Variants in PTCHD4 observed in about 807,000 individuals in gnomAD.
PTCHD4 encodes the protein patched domain containing 4.
Under a neutral mutation model 58.1 loss-of-function variants are expected in PTCHD4, and 33 were observed. The observed-to-expected ratio is 0.57, with a 90% CI of 0.43 to 0.76. The LOEUF (loss-of-function observed/expected upper bound fraction) is 0.76. Among genes scored for constraint, PTCHD4 ranks in the 30% least tolerant of loss-of-function variants. The probability of loss-of-function intolerance (pLI) is 0.00; values close to 1 mark genes in which losing one functional copy is unlikely to be tolerated. For synonymous variants in PTCHD4, 478 were observed against 409.6 expected, an observed-to-expected ratio of 1.17 and a Z score of -2.02; for missense variants, 1,058 against 1,027.1, an observed-to-expected ratio of 1.03 and a Z score of -0.41.
chr6:47,942,269 C>A (rs1441272183), intron 4 of PTCHD4, among the ~76,000 whole-genome samples: 1 of 152,164 alleles, frequency 6.6e-6, no homozygotes, highest in African/African-American at 2.4e-5. Flanking sequence ...GACACCATCA[C>A]TGGCATAAGC....
chr6:47,972,538 CT>C (rs1767555185), intron 4 of PTCHD4, among the ~76,000 whole-genome samples: 1 of 152,014 alleles, frequency 6.6e-6, no homozygotes. Flanking sequence ...ATGGATAGCC[CT>C]CAAATTTTTT....
intron 3 of PTCHD4, among the ~76,000 whole-genome samples, chr6:48,055,177 A>G (rs963814984): frequency 3.3e-5 from 5 of 152,198 alleles, no homozygotes; most frequent in African/African-American, 1.2e-4. Flanking sequence ...CAGTAAAAAC[A>G]TTTGTTGCTT....
At chr6:47,976,625 G>C (rs1472411459) in intron 4 of PTCHD4, among the ~76,000 whole-genome samples, 1 of 151,180 alleles carries the variant, frequency 6.6e-6, no homozygotes, top group Non-Finnish European at 1.5e-5. Flanking sequence ...CTTTACTCCA[G>C]CCTGGGCCAC....
rs1026356100 is a variant in PTCHD4 at position 48,048,514 on chromosome 6, GA to G, written c.417+19715del. Among the ~76,000 whole-genome samples, 117 of 152,012 alleles carry G rather than the reference GA, an allele frequency of 7.7e-4. 1 individual carries two copies. The highest frequency in any genetic ancestry group is 2.7e-3 in the African/African-American group (113 of 41,536). ...ATCTTTCCTATGTTGCCAAAATGGG[GA>G]AAAATCAAGTTAGCAAATAACATTT... On this transcript the variant is annotated intron_variant, in intron 3 of 4. Transcript: ENST00000339488.
intron 1 of PTCHD4, among the ~76,000 whole-genome samples, chr6:48,107,079 G>T (rs9395338): frequency 0.16 from 23,547 of 151,712 alleles, 1,873 homozygotes; most frequent in African/African-American, 0.2. Context: ...ATGACTTTCT[G>T]CACAGAATTG....
At chr6:47,953,482 C>T (rs1236281830) in intron 4 of PTCHD4, among the ~76,000 whole-genome samples, 1 of 152,004 alleles carries the variant, frequency 6.6e-6, no homozygotes, top group Non-Finnish European at 1.5e-5. Context: ...GAGGGAATTC[C>T]ATTAGCCTAA....
At position 47,928,077 on chromosome 6, in the gene PTCHD4, G is replaced by C. The variant is rs561932838; in HGVS notation, c.899-48141C>G. On this transcript the variant is annotated intron_variant, in intron 4 of 4. Transcript: ENST00000339488. ...CTGTCTTTCTCCATATAAACACCTT[G>C]TGGCCCATGTGAGGCGTGGAGGGAT... Among the ~76,000 whole-genome samples the C allele has an allele frequency of 6.6e-5, 10 of 152,202 alleles. No homozygotes were observed. In the South Asian group the frequency reaches 2.1e-3, roughly 32 times the overall value.
intron 3 of PTCHD4, among the ~76,000 whole-genome samples, chr6:48,066,186 G>A (rs1764790402): frequency 6.7e-6 from 1 of 149,852 alleles, no homozygotes; most frequent in Non-Finnish European, 1.5e-5. Flanking sequence ...TGCTTTTCTT[G>A]CCCCAAACTC....
intron 1 of PTCHD4, among the ~76,000 whole-genome samples, chr6:48,083,969 T>A (rs1765213347): frequency 6.6e-6 from 1 of 152,106 alleles, no homozygotes; most frequent in African/African-American, 2.4e-5. Flanking sequence ...ACTTTTGAGC[T>A]AAATATCTGT....
In PTCHD4 at chr6:47,866,079, C is replaced by A. The variant is rs1387973202; in HGVS notation, c.*12224G>T. ...CAACACACTCATACCAGGTTTGGCT[C>A]TACTAGAAATCATCTCTCTACCCTC... On this transcript the variant is annotated 3_prime_UTR_variant, in exon 5 of 5. Coordinates refer to ENST00000339488, the MANE Select transcript of PTCHD4 (RefSeq NM_001384253.1). Among the ~76,000 whole-genome samples the A allele has an allele frequency of 6.6e-6, 1 of 151,888 alleles. No homozygotes were observed. Among genetic ancestry groups the A allele is most frequent in the African/African-American group, 2.4e-5 (1 of 41,404 alleles).
At chr6:47,929,460 T>C (rs1247517713) in intron 4 of PTCHD4, among the ~76,000 whole-genome samples, 1 of 152,202 alleles carries the variant, frequency 6.6e-6, no homozygotes, top group East Asian at 1.9e-4. Flanking sequence ...CTGCAATTCT[T>C]CCCTCCTGAA....
chr6:47,878,708 G>T lies in PTCHD4; in HGVS notation c.2127C>A (p.Cys709Ter). 6.2e-7 allele frequency: 1 copy of T among 1,613,042 alleles called. No homozygotes were observed. Among genetic ancestry groups the T allele is most frequent in the Non-Finnish European group, 8.5e-7 (1 of 1,179,582 alleles). The change falls in exon 5 of 5, where the codon TGC (cysteine) becomes TGA (stop). Residue 709 changes from cysteine (C) to a stop codon, truncating the protein, a stop_gained. Coordinates refer to ENST00000339488, the MANE Select transcript of PTCHD4 (RefSeq NM_001384253.1). LOFTEE classifies it high-confidence loss of function. ...LMTLWNVDMD[C>*]ISILCLIYTL... ...TGTAGATAAGGCACAAGATAGAAAT[G>T]CAATCCATGTCGACGTTCCATAATG... is the stretch of plus-strand genomic sequence containing the variant.
intron 3 of PTCHD4, among the ~76,000 whole-genome samples, chr6:48,061,342 A>G (rs2113869080): frequency 6.6e-6 from 1 of 152,372 alleles, no homozygotes; most frequent in Middle Eastern, 3.4e-3. Context: ...TTTTCAATAT[A>G]GAACAGCCTC....
chr6:47,948,682 T>G (rs532740303), intron 4 of PTCHD4, among the ~76,000 whole-genome samples: 3 of 152,200 alleles, frequency 2.0e-5, no homozygotes, highest in Non-Finnish European at 4.4e-5. Context: ...TTAATCTGAC[T>G]TCCTTCTAAT....
chr6:48,062,983 CTG>C (rs922147139), intron 3 of PTCHD4, among the ~76,000 whole-genome samples: 4 of 152,162 alleles, frequency 2.6e-5, no homozygotes, highest in African/African-American at 9.6e-5. Flanking sequence ...CCTTAAAGAA[CTG>C]AGAGTTCTAA....
chr6:48,092,945 T>A (rs1389823321), intron 1 of PTCHD4, among the ~76,000 whole-genome samples: 1 of 152,234 alleles, frequency 6.6e-6, no homozygotes, highest in Non-Finnish European at 1.5e-5. Flanking sequence ...CTCCACTCAC[T>A]ATGATTTCTG....
At position 47,860,994 on chromosome 6, in the gene PTCHD4, A is replaced by G. The variant is rs1763412681; in HGVS notation, c.*17309T>C. ...TCCATGCTGAGGTCGAATGAAGAAG[A>G]TAGAAAGTGCCCCTGGATGCCTCTC... On this transcript the variant is annotated 3_prime_UTR_variant, in exon 5 of 5. Transcript: ENST00000339488. 6.6e-6 allele frequency among the ~76,000 whole-genome samples: 1 copy of G among 151,996 alleles called. No individual in the cohort carries two copies. The highest frequency in any genetic ancestry group is 1.5e-5 in the Non-Finnish European group (1 of 67,944).
intron 1 of PTCHD4, among the ~76,000 whole-genome samples, chr6:48,094,361 T>G (rs186250986): frequency 1.6e-4 from 24 of 152,274 alleles, no homozygotes; most frequent in Admixed American, 1.5e-3. Flanking sequence ...GGGAACTTGT[T>G]TGGAGAATTT....
At chr6:47,888,353 T>TC (rs963574332) in intron 4 of PTCHD4, among the ~76,000 whole-genome samples, 6 of 150,302 alleles carry the variant, frequency 4.0e-5, no homozygotes, top group African/African-American at 1.5e-4. Flanking sequence ...CGAGACTCAG[T>TC]CCCCAAAAAA....
Sources: allele counts gnomAD v4.1 joint callset (sites outside exome capture counted in the v4.1 genomes callset), GRCh38; gene constraint gnomAD v4.1.1; transcripts MANE v1.5; gene names NCBI Gene and HGNC (gene_info 2026-07-23, HGNC 2026-07-21).